Variants in CDH4 observed in about 807,000 individuals in gnomAD.
CDH4 encodes cadherin 4.
CDH4 carries 33 observed loss-of-function variants against 86.0 expected under a neutral mutation model. That is an observed-to-expected ratio of 0.38 (90% CI 0.29 to 0.51). The LOEUF is 0.51. Among genes scored for constraint, CDH4 ranks in the 20% least tolerant of loss-of-function variants. CDH4 has a pLI of 0.86. For missense variants in CDH4, 1,114 were observed against 1,307.4 expected, an observed-to-expected ratio of 0.85 and a Z score of 2.28; for synonymous variants, 555 against 549.4, an observed-to-expected ratio of 1.01 and a Z score of -0.14.
chr20:61,629,074 A>G (rs1225295416), intron 2 of CDH4, among the ~76,000 whole-genome samples: 1 of 152,258 alleles, frequency 6.6e-6, no homozygotes, highest in Non-Finnish European at 1.5e-5. Flanking sequence ...ACAGGCAGGC[A>G]GGAGCTTGGC....
intron 2 of CDH4, among the ~76,000 whole-genome samples, chr20:61,741,853 T>TA (rs543329611): frequency 1.8e-3 from 274 of 152,254 alleles, no homozygotes; most frequent in African/African-American, 6.3e-3. Flanking sequence ...TACTTTTTTT[T>TA]AACTACAACA....
intron 9 of CDH4, among the ~76,000 whole-genome samples, chr20:61,920,881 T>A (rs1447659010): frequency 7.6e-6 from 1 of 131,028 alleles, no homozygotes. Flanking sequence ...TGCATGGAAG[T>A]GTGGTGTCAT....
At chr20:61,380,009 T>A (rs1464978161) in intron 2 of CDH4, among the ~76,000 whole-genome samples, 1 of 152,210 alleles carries the variant, frequency 6.6e-6, no homozygotes, top group Non-Finnish European at 1.5e-5. Flanking sequence ...AAGACTAATT[T>A]GACATTGTCC....
At chr20:61,901,222 T>TGGGGGC (rs1985387591) in intron 8 of CDH4, among the ~76,000 whole-genome samples, 1 of 132,428 alleles carries the variant, frequency 7.6e-6, no homozygotes, top group Non-Finnish European at 1.6e-5. Flanking sequence ...GCAGGAGGAG[T>TGGGGGC]AGGGGCAGGG....
intron 8 of CDH4, among the ~76,000 whole-genome samples, chr20:61,903,540 T>TTAAAA (rs386394189): frequency 0.011 from 999 of 90,878 alleles, 29 homozygotes; most frequent in African/African-American, 0.044. Flanking sequence ...AGAGACTCCA[T>TTAAAA]AAAAAAAAAA....
Position 61,872,160 on chromosome 20 carries a change from G to T in CDH4, c.878-1568G>T, listed in dbSNP as rs184248408. Among the ~76,000 whole-genome samples, 82 of 152,316 alleles carry T rather than the reference G, an allele frequency of 5.4e-4. 1 individual carries two copies. The highest frequency in any genetic ancestry group is 1.9e-3 in the African/African-American group (78 of 41,568). ...CCCCGCACCCTGGGCTTCTGGCACA[G>T]TCCAGCAAATGTCCAACAGGGCATC... On this transcript the variant is annotated intron_variant, in intron 6 of 15. Coordinates refer to ENST00000614565, the MANE Select transcript of CDH4 (RefSeq NM_001794.5).
intron 2 of CDH4, among the ~76,000 whole-genome samples, chr20:61,483,671 G>GCCCC (rs556546550): frequency 7.6e-6 from 1 of 131,662 alleles, no homozygotes; most frequent in African/African-American, 2.9e-5. Context: ...ACCAGCACCC[G>GCCCC]CCCCCCCCGC....
chr20:61,900,483 A>G (rs1351989640), intron 8 of CDH4, among the ~76,000 whole-genome samples: 1 of 152,124 alleles, frequency 6.6e-6, no homozygotes, highest in Non-Finnish European at 1.5e-5. Flanking sequence ...ACGGCTTCCC[A>G]GAGACGGCTG....
intron 3 of CDH4, among the ~76,000 whole-genome samples, chr20:61,757,199 ATCTCCACGCGTGTT>A (rs1366344001): frequency 1.3e-5 from 2 of 151,804 alleles, no homozygotes; most frequent in Non-Finnish European, 2.9e-5. Flanking sequence ...GTGTATTGGT[ATCTCCACGCGTGTT>A]TCTCCACATC....
chr20:61,691,645 A>G (rs1460449968), intron 2 of CDH4, among the ~76,000 whole-genome samples: 1 of 152,236 alleles, frequency 6.6e-6, no homozygotes. Flanking sequence ...CCTCGGCTTC[A>G]TGGTAGAGCC....
chr20:61,518,934 CCATCATTCATT>C lies in CDH4; in HGVS notation c.170-224624_170-224614del, dbSNP rs142971257. ...TCATTCATCTACCCACCTCATTCAT[CCATCATTCATT>C]CATCTATCCATCCATTATTTATCCA... On this transcript the variant is annotated intron_variant, in intron 2 of 15. Transcript: ENST00000614565. This position sits in a 1 kb window ranked among gnomAD's most constrained non-coding sequence, Gnocchi z 6.3. Among the ~76,000 whole-genome samples the C allele has an allele frequency of 1.3e-3, 200 of 152,252 alleles. No individual in the cohort carries two copies. Among genetic ancestry groups the C allele is most frequent in the Middle Eastern group, 3.4e-3 (1 of 294 alleles).
chr20:61,864,685 C>T (rs971958122), intron 6 of CDH4, among the ~76,000 whole-genome samples: 4 of 152,200 alleles, frequency 2.6e-5, no homozygotes, highest in African/African-American at 7.2e-5. Flanking sequence ...GCGCGGACGG[C>T]GCCCATGAGA....
intron 2 of CDH4, among the ~76,000 whole-genome samples, chr20:61,443,934 T>C (rs2085327340): frequency 8.4e-6 from 1 of 119,512 alleles, no homozygotes; most frequent in South Asian, 2.6e-4. Flanking sequence ...GTGTGTGTCT[T>C]TGTGGATATC....
intron 2 of CDH4, among the ~76,000 whole-genome samples, chr20:61,617,498 C>A (rs995000424): frequency 1.3e-5 from 2 of 152,212 alleles, no homozygotes; most frequent in Admixed American, 6.5e-5. Context: ...TCCCCGTTTT[C>A]AAGAAGTCAT....
intron 4 of CDH4, among the ~76,000 whole-genome samples, chr20:61,805,031 G>T (rs1980050059): frequency 6.6e-6 from 1 of 152,210 alleles, no homozygotes; most frequent in Non-Finnish European, 1.5e-5. Flanking sequence ...CCAGCGCCAG[G>T]CCAAGAGTGC....
At chr20:61,704,304 C>G (rs1166938905) in intron 2 of CDH4, among the ~76,000 whole-genome samples, 2 of 152,164 alleles carry the variant, frequency 1.3e-5, no homozygotes, top group Non-Finnish European at 2.9e-5. Flanking sequence ...CCTCCCCACT[C>G]TGACATTCTC....
At chr20:61,872,284 T>G (rs939426591) in intron 6 of CDH4, among the ~76,000 whole-genome samples, 4 of 152,048 alleles carry the variant, frequency 2.6e-5, no homozygotes, top group Admixed American at 2.6e-4. Context: ...CACAGCTGTT[T>G]CAATGCAGGT....
chr20:61,671,406 G>A (rs2087385387), intron 2 of CDH4, among the ~76,000 whole-genome samples: 1 of 152,198 alleles, frequency 6.6e-6, no homozygotes, highest in African/African-American at 2.4e-5. Context: ...TGAGGCAGGA[G>A]GATTGCTTGA....
At chr20:61,788,769 C>G (rs1979014597) in intron 4 of CDH4, among the ~76,000 whole-genome samples, 1 of 152,210 alleles carries the variant, frequency 6.6e-6, no homozygotes, top group Non-Finnish European at 1.5e-5. Context: ...GCTCTCTGCT[C>G]AAAGACCTGA....
Sources: allele counts gnomAD v4.1 joint callset (sites outside exome capture counted in the v4.1 genomes callset), GRCh38; gene constraint gnomAD v4.1.1; non-coding constraint Gnocchi (gnomAD v3.1); transcripts MANE v1.5; gene names NCBI Gene and HGNC (gene_info 2026-07-23, HGNC 2026-07-21).